The following PMPCA variants were observed in gnomAD, a reference collection of about 807,000 sequenced individuals.
PMPCA encodes the protein mitochondrial-processing peptidase subunit alpha.
A neutral mutation model predicts 59.3 loss-of-function variants in PMPCA; 47 were observed. That is an observed-to-expected ratio of 0.79 (90% CI 0.63 to 1.01). PMPCA has a LOEUF of 1.01. Among genes scored for constraint, PMPCA ranks in the 50% least tolerant of loss-of-function variants. The pLI, the probability that PMPCA is intolerant of heterozygous loss-of-function variation, is 0.00. For synonymous variants in PMPCA, 338 were observed against 290.3 expected (o/e 1.16, Z -1.67); for missense variants, 726 against 704.5 (o/e 1.03, Z -0.34).
chr9:136,418,199 C>T, intron 8 of PMPCA, 90 bp downstream of exon 8: 2 of 942,360 alleles, frequency 2.1e-6, no homozygotes, highest in Non-Finnish European at 3.5e-6. Flanking sequence ...TCCGACAGCG[C>T]TCCTGATGGG....
In PMPCA at chr9:136,418,105, TC is replaced by T. The variant is rs781235273; in HGVS notation, c.988del (p.Leu330TrpfsTer11). ...ATGGTTGGACTGGAGAGCTGCTCCT[TC>T]CTGGTGAGTCCTGGTGCTGGGTCTG... is the stretch of plus-strand genomic sequence containing the variant. ...HIMVGLESCS[F>X]LEEDFIPFAV... is the part of the protein sequence containing the mutation. On this transcript the variant is annotated frameshift_variant, in exon 8 of 13. Coordinates refer to ENST00000371717, the MANE Select transcript of PMPCA (RefSeq NM_015160.3). LOFTEE classifies it high-confidence loss of function. 1.9e-6 allele frequency: 3 copies of T among 1,601,176 alleles called. No homozygotes were observed. Among genetic ancestry groups the T allele is most frequent in the East Asian group, 2.2e-5 (1 of 44,824 alleles).
intron 5 of PMPCA, 165 bp from the exon 6 acceptor site, chr9:136,416,126 C>G (rs1388931016): frequency 1.3e-5 from 8 of 616,164 alleles, no homozygotes; most frequent in East Asian, 8.2e-5. Context: ...GTAGCAGTCC[C>G]CCTCACTCAC....
Position 136,421,867 on chromosome 9 carries a change from A to G in PMPCA, c.1299A>G (p.Ser433=), listed in dbSNP as rs1767138223. The G allele has an allele frequency of 6.2e-6, 10 of 1,606,782 alleles. No homozygotes were observed. Among genetic ancestry groups the G allele is most frequent in the Non-Finnish European group, 8.5e-6 (10 of 1,175,846 alleles). ...ELERAKTQLT[S]MLMMNLESRP... ...AACGAGCCAAGACGCAGCTGACATC[A>G]ATGCTCATGATGAACCTGGAATCCA... The change falls in exon 12 of 13, where the codon TCA becomes TCG. Residue 433 remains serine (S), a synonymous_variant. Coordinates refer to ENST00000371717, the MANE Select transcript of PMPCA (RefSeq NM_015160.3).
intron 8 of PMPCA, 24 bp from the exon 9 acceptor site, chr9:136,418,531 C>T (rs756255870): frequency 6.8e-7 from 1 of 1,467,110 alleles, no homozygotes; most frequent in South Asian, 1.1e-5. Context: ...GTGGTTCAGC[C>T]AGCTCTGCCC....
Position 136,419,167 on chromosome 9 carries a change from G to A in PMPCA, c.1263+61G>A, listed in dbSNP as rs947411179. The A allele has an allele frequency of 4.2e-6, 6 of 1,412,804 alleles. 1 individual carries two copies. The highest frequency in any genetic ancestry group is 2.3e-5 in the South Asian group (2 of 87,206). The allele number at this position is 1,412,804 out of a possible 1,614,324, so 87.5% of individuals were successfully genotyped here. A position where few individuals can be genotyped will look rare whatever the true frequency, so the allele number is the denominator to read the frequency against. ...GTGGTGTCTGACAGGAGACAGCCAC[G>A]TTGTAGGAGTGGCCACCTGTGGGCC... On this transcript the variant is annotated intron_variant, in intron 11 of 12. Transcript: ENST00000371717.
Position 136,418,936 on chromosome 9 carries a change from C to T in PMPCA, c.1200+18C>T. 6.2e-7 allele frequency: 1 copy of T among 1,609,892 alleles called. No homozygotes were observed. Among genetic ancestry groups the T allele is most frequent in the Non-Finnish European group, 8.5e-7 (1 of 1,176,204 alleles). On this transcript the variant is annotated intron_variant, in intron 10 of 12. Coordinates refer to ENST00000371717, the MANE Select transcript of PMPCA (RefSeq NM_015160.3). ...CAAGACAGGTGAGGGCCCCGCCTGC[C>T]ACCGTCCTCAGTGCGGTTGCCTGTC...
chr9:136,423,493 G>T lies in PMPCA; in HGVS notation c.*229G>T. ...AGCCAGGAAGCAGGTGAAGTGCCCA[G>T]CGCTGGAGTGCAGCGTGCCACGAGG... On this transcript the variant is annotated 3_prime_UTR_variant, in exon 13 of 13. Coordinates refer to ENST00000371717, the MANE Select transcript of PMPCA (RefSeq NM_015160.3). 1.9e-6 allele frequency: 1 copy of T among 530,456 alleles called. No homozygotes were observed. Among genetic ancestry groups the T allele is most frequent in the Non-Finnish European group, 3.4e-6 (1 of 296,204 alleles). 32.9% of individuals were successfully genotyped at this position (530,456 alleles called of 1,614,324 possible). A position where few individuals can be genotyped will look rare whatever the true frequency, so the allele number is the denominator to read the frequency against.
At chr9:136,418,973 G>T (rs546016320) in intron 10 of PMPCA, 55 bp downstream of exon 10, 3 of 1,599,932 alleles carry the variant, frequency 1.9e-6, no homozygotes, top group Non-Finnish European at 1.7e-6. Flanking sequence ...AGACCTGGGC[G>T]TCCCTGCCTA....
chr9:136,418,972 C>A, intron 10 of PMPCA, 54 bp downstream of exon 10: 1 of 1,598,410 alleles, frequency 6.3e-7, no homozygotes, highest in Non-Finnish European at 8.6e-7. Flanking sequence ...CAGACCTGGG[C>A]GTCCCTGCCT....
chr9:136,423,014 C>A (rs1278719817), intron 12 of PMPCA, 81 bp from the exon 13 acceptor site: 1 of 1,504,616 alleles, frequency 6.6e-7, no homozygotes. Flanking sequence ...GACCAGCCGC[C>A]CCCTCCGTGT....
At position 136,412,163 on chromosome 9, in the gene PMPCA, T is replaced by C; in HGVS notation, c.238T>C (p.Ser80Pro). The change falls in exon 2 of 13, where the codon TCT (serine) becomes CCT (proline). Residue 80 changes from serine (S) to proline (P), a missense_variant. Coordinates refer to ENST00000371717, the MANE Select transcript of PMPCA (RefSeq NM_015160.3). Reference sequence around the variant, plus strand: ...ATTGGATAATGGGCTTCGCGTGGCATCTCAGAATAAGTTTGGACAGTTTTG... The same window carrying C: ...ATTGGATAATGGGCTTCGCGTGGCACCTCAGAATAAGTTTGGACAGTTTTG... ...TTLDNGLRVA[S>P]QNKFGQFCTV... The C allele has an allele frequency of 6.2e-7, 1 of 1,614,060 alleles. No homozygotes were observed. The highest frequency in any genetic ancestry group is 1.1e-5 in the South Asian group (1 of 91,076).
At chr9:136,416,212 C>T (rs1564421387) in intron 5 of PMPCA, 79 bp from the exon 6 acceptor site, 4 of 1,033,896 alleles carry the variant, frequency 3.9e-6, no homozygotes, top group Admixed American at 3.6e-5. Context: ...CTCAGGCCAG[C>T]ACACAAGCTG....
chr9:136,419,353 C>G lies in PMPCA; in HGVS notation c.1263+247C>G, dbSNP rs1325048843. The G allele has an allele frequency of 2.7e-5, 16 of 587,250 alleles. No homozygotes were observed. The East Asian group carries it at 4.6e-4, about 17-fold the overall frequency. The allele number at this position is 587,250 out of a possible 1,614,324, so 36.4% of individuals were successfully genotyped here. A position where few individuals can be genotyped will look rare whatever the true frequency, so the allele number is the denominator to read the frequency against. On this transcript the variant is annotated intron_variant, in intron 11 of 12. Transcript: ENST00000371717. ...CAGAAAAACAGACCACCGCCCTCCC[C>G]CAGTGCTCGGTCCACTACTTCTTTC...
chr9:136,420,540 G>C (rs1835419983), intron 11 of PMPCA: 1 of 152,146 alleles, frequency 6.6e-6, no homozygotes, highest in Non-Finnish European at 1.5e-5. Context: ...TTGAACTGCT[G>C]ACCTCAGGTG....
chr9:136,418,125 G>T lies in PMPCA; in HGVS notation c.990+16G>T. ...CTCCTTCCTGGTGAGTCCTGGTGCT[G>T]GGTCTGATGGCGTTCCTGATGCAGT... On this transcript the variant is annotated intron_variant, in intron 8 of 12. Transcript: ENST00000371717. 1 of 1,567,046 alleles carries T rather than the reference G, an allele frequency of 6.4e-7. No individual in the cohort carries two copies. The highest frequency in any genetic ancestry group is 8.8e-7 in the Non-Finnish European group (1 of 1,137,066).
intron 12 of PMPCA, 115 bp downstream of exon 12, chr9:136,422,091 A>C: frequency 6.5e-7 from 1 of 1,545,894 alleles, no homozygotes; most frequent in Non-Finnish European, 8.7e-7. Context: ...CACACCCAGA[A>C]TCTGGGGCCT....
chr9:136,421,230 A>G (rs10870164), intron 11 of PMPCA, among the ~76,000 whole-genome samples: 68,593 of 152,078 alleles, frequency 0.45, 15,807 homozygotes, highest in Admixed American at 0.55. Flanking sequence ...TTTGGGAGTT[A>G]ACTATTTTAC....
chr9:136,421,772 TG>T (rs752991956), intron 11 of PMPCA, 59 bp from the exon 12 acceptor site: 21 of 1,465,426 alleles, frequency 1.4e-5, no homozygotes, highest in Admixed American at 2.0e-5. Context: ...ATTGCTCGAG[TG>T]GGGGGTGGAA....
chr9:136,418,021 A>G lies in PMPCA; in HGVS notation c.902A>G (p.Glu301Gly), dbSNP rs1402738387. The part of the protein sequence containing the change: ...AQYTGGIAKL[E>G]RDMSNVSLGP... ...TGCTTGTTTTCTTGGTTACAGCTAG[A>G]AAGAGACATGTCCAATGTCAGCCTG... The change falls in exon 8 of 13, where the codon GAA becomes GGA. Residue 301 changes from glutamate (E) to glycine (G), a missense_variant. Physicochemically the swap from Glu to Gly is moderately conservative, Grantham distance 98. Coordinates refer to ENST00000371717, the MANE Select transcript of PMPCA (RefSeq NM_015160.3). 2 of 1,611,858 alleles carry G rather than the reference A, an allele frequency of 1.2e-6. No individual in the cohort carries two copies. The highest frequency in any genetic ancestry group is 1.3e-5 in the African/African-American group (1 of 74,880).
Sources: allele counts gnomAD v4.1 joint callset (sites outside exome capture counted in the v4.1 genomes callset), GRCh38; gene constraint gnomAD v4.1.1; transcripts MANE v1.5; gene names NCBI Gene and HGNC (gene_info 2026-07-23, HGNC 2026-07-21).